DLC1: variants seen among roughly 807,000 people sequenced by gnomAD.
DLC1 encodes the protein DLC1 Rho GTPase activating protein, also known as rho GTPase-activating protein 7.
Under a neutral mutation model 140.3 loss-of-function variants are expected in DLC1, and 54 were observed. The observed-to-expected ratio is 0.38, with a 90% CI of 0.31 to 0.48. The LOEUF (loss-of-function observed/expected upper bound fraction) is 0.48. Ranked by LOEUF, DLC1 falls within the 20% of genes least tolerant of loss-of-function variation. DLC1 has a pLI of 0.96. For synonymous variants in DLC1, 986 were observed against 728.1 expected, an observed-to-expected ratio of 1.35 and a Z score of -5.70; for missense variants, 2,536 against 1,907.0, an observed-to-expected ratio of 1.33 and a Z score of -6.14.
intron 5 of DLC1, among the ~76,000 whole-genome samples, chr8:13,208,615 CCAGAATTT>C (rs1827785169): frequency 6.6e-6 from 1 of 151,904 alleles, no homozygotes; most frequent in South Asian, 2.1e-4. Flanking sequence ...TCTGCAATGC[CCAGAATTT>C]CAGATCAAGT....
At chr8:13,508,707 C>T (rs1045623046) in intron 1 of DLC1, among the ~76,000 whole-genome samples, 2 of 152,136 alleles carry the variant, frequency 1.3e-5, no homozygotes, top group East Asian at 1.9e-4. Context: ...CGTGAGCCAC[C>T]ACGCCCGGCC....
intron 5 of DLC1, among the ~76,000 whole-genome samples, chr8:13,262,503 A>G (rs550217781): frequency 1.6e-4 from 25 of 152,256 alleles, no homozygotes; most frequent in African/African-American, 5.5e-4. Flanking sequence ...AGAAAATCTC[A>G]AATTCACCAA....
At position 13,133,150 on chromosome 8, in the gene DLC1, G is replaced by A. The variant is rs6998803; in HGVS notation, c.1349-17493C>T. Reference sequence around the variant, plus strand: ...CTCGTCACGGCCCCAGAAAGAAAGCGGGGTTTTCTAAAGATCGAAACGAGG... The same window carrying A: ...CTCGTCACGGCCCCAGAAAGAAAGCAGGGTTTTCTAAAGATCGAAACGAGG... On this transcript the variant is annotated intron_variant, in intron 5 of 17. Transcript: ENST00000276297. 0.057 allele frequency: 81,958 copies of A among 1,446,822 alleles called. 2,837 individuals are homozygous for A. The highest frequency in any genetic ancestry group is 0.16 in the African/African-American group (11,213 of 69,594). The allele number at this position is 1,446,822 out of a possible 1,614,324, so 89.6% of individuals were successfully genotyped here.
upstream of DLC1, among the ~76,000 whole-genome samples, chr8:13,518,497 GGA>G (rs1166660218): frequency 6.6e-6 from 1 of 152,156 alleles, no homozygotes; most frequent in Non-Finnish European, 1.5e-5. Context: ...ATCATTTTCA[GGA>G]AAGTTGAATC....
intron 5 of DLC1, among the ~76,000 whole-genome samples, chr8:13,189,052 A>C (rs528140734): frequency 1.3e-5 from 2 of 151,606 alleles, no homozygotes; most frequent in Admixed American, 6.6e-5. Flanking sequence ...AAACAATCAA[A>C]AGTCTTTAGT....
intron 4 of DLC1, among the ~76,000 whole-genome samples, chr8:13,310,217 C>G (rs1832619127): frequency 6.6e-6 from 1 of 152,164 alleles, no homozygotes; most frequent in Non-Finnish European, 1.5e-5. Context: ...TTTTTATAGT[C>G]AGAGCTTTCT....
intron 1 of DLC1, among the ~76,000 whole-genome samples, chr8:13,539,713 T>C (rs1247133321): frequency 6.6e-6 from 1 of 151,768 alleles, no homozygotes; most frequent in Non-Finnish European, 1.5e-5. Flanking sequence ...TATTCTGTTT[T>C]TGTTCCTGAA....
intron 5 of DLC1, among the ~76,000 whole-genome samples, chr8:13,141,614 C>T (rs1039787856): frequency 4.6e-5 from 7 of 152,110 alleles, no homozygotes; most frequent in African/African-American, 7.2e-5. Context: ...GGGGTGGGTT[C>T]GGGCAATTGC....
intron 4 of DLC1, among the ~76,000 whole-genome samples, chr8:13,390,680 T>C (rs1487886203): frequency 6.6e-6 from 1 of 152,156 alleles, no homozygotes; most frequent in Non-Finnish European, 1.5e-5. Flanking sequence ...GTTCTGCACA[T>C]GTATCCTGGA....
Position 13,380,952 on chromosome 8 carries a change from A to G in DLC1, c.1314+12601T>C, listed in dbSNP as rs543385040. 1.4e-4 allele frequency among the ~76,000 whole-genome samples: 21 copies of G among 152,240 alleles called. No individual in the cohort carries two copies. The East Asian group carries it at 2.1e-3, about 15-fold the overall frequency. ...TGCAGTGAAAACATCCACCTCCAACACACTTTGCCCTCTAGGGAAGGGTTA... is the reference window on the plus strand; with the variant it reads ...TGCAGTGAAAACATCCACCTCCAACGCACTTTGCCCTCTAGGGAAGGGTTA... On this transcript the variant is annotated intron_variant, in intron 4 of 17. Transcript: ENST00000276297.
chr8:13,289,041 A>T (rs950610370), intron 5 of DLC1, among the ~76,000 whole-genome samples: 7 of 152,036 alleles, frequency 4.6e-5, no homozygotes, highest in African/African-American at 1.7e-4. Flanking sequence ...ACCATTCTCC[A>T]CTTTCATTCT....
chr8:13,087,774 ATTC>A (rs1432314267), intron 16 of DLC1, among the ~76,000 whole-genome samples: 1 of 152,226 alleles, frequency 6.6e-6, no homozygotes. Flanking sequence ...GATTTTTGGA[ATTC>A]TTCTTTCAGT....
chr8:13,602,479 C>T (rs73663925), intron 1 of DLC1, among the ~76,000 whole-genome samples: 3,564 of 151,690 alleles, frequency 0.023, 140 homozygotes, highest in African/African-American at 0.081. Flanking sequence ...TATACAATAT[C>T]GATTTGTAAA....
At chr8:13,293,328 A>G (rs1169008717) in intron 5 of DLC1, among the ~76,000 whole-genome samples, 1 of 152,260 alleles carries the variant, frequency 6.6e-6, no homozygotes, top group Non-Finnish European at 1.5e-5. Flanking sequence ...AGTCAAGAGG[A>G]AAAAGAAAAC....
rs56239948 is a variant in DLC1, at chr8:13,247,779, A to G, written c.1348+57490T>C. 4.8e-3 allele frequency among the ~76,000 whole-genome samples: 726 copies of G among 152,364 alleles called. 10 individuals are homozygous for G. Among genetic ancestry groups the G allele is most frequent in the African/African-American group, 0.015 (644 of 41,580 alleles). Reference sequence around the variant, plus strand: ...AACTGCTTTATCTTCCAGGCTGATTATCATAGACTTGAGGCTCACCATCGT... The same window carrying G: ...AACTGCTTTATCTTCCAGGCTGATTGTCATAGACTTGAGGCTCACCATCGT... On this transcript the variant is annotated intron_variant, in intron 5 of 17. Transcript: ENST00000276297.
chr8:13,403,101 T>G (rs560968967), intron 2 of DLC1, among the ~76,000 whole-genome samples: 1 of 152,238 alleles, frequency 6.6e-6, no homozygotes, highest in East Asian at 1.9e-4. Context: ...CAGATTAATT[T>G]TGAGAATACG....
At chr8:13,149,851 C>T (rs1004179642) in intron 5 of DLC1, among the ~76,000 whole-genome samples, 9 of 152,192 alleles carry the variant, frequency 5.9e-5, no homozygotes, top group Non-Finnish European at 5.9e-5. Context: ...GGCGTCAGGC[C>T]TCTTGTTTGC....
rs1237807813 is a variant in DLC1, at chr8:13,084,484, T to C, written c.*1327A>G. On this transcript the variant is annotated 3_prime_UTR_variant, in exon 18 of 18. Coordinates refer to ENST00000276297, the MANE Select transcript of DLC1 (RefSeq NM_182643.3). ...CCTTACCATTACAGTAAAACCTGAA[T>C]AAAGACCACCCTTCTAAAGGTTCTA... The C allele has an allele frequency of 6.6e-6, 1 of 152,514 alleles. No homozygotes were observed. The highest frequency in any genetic ancestry group is 6.6e-5 in the Admixed American group (1 of 15,260). 9.4% of individuals were successfully genotyped at this position (152,514 alleles called of 1,614,324 possible).
At chr8:13,587,077 TACACACACAC>T (rs3066501) in intron 1 of DLC1, among the ~76,000 whole-genome samples, 9 of 142,910 alleles carry the variant, frequency 6.3e-5, no homozygotes, top group South Asian at 4.5e-4. Flanking sequence ...GAAAATAGTT[TACACACACAC>T]ACACACACAC....
Sources: gnomAD v4.1 joint callset for allele counts (sites outside exome capture counted in the v4.1 genomes callset) on GRCh38, gnomAD v4.1.1 for gene constraint, MANE v1.5 for transcripts, NCBI Gene and HGNC (gene_info 2026-07-23, HGNC 2026-07-21) for gene names.